Variants in PDE1C observed in about 807,000 individuals in gnomAD.
PDE1C encodes dual specificity calcium/calmodulin-dependent 3',5'-cyclic nucleotide phosphodiesterase 1C.
Under a neutral mutation model 93.1 loss-of-function variants are expected in PDE1C, and 62 were observed. That is an observed-to-expected ratio of 0.67 (90% CI 0.54 to 0.82). The LOEUF is 0.82. Ranked by LOEUF, PDE1C falls within the 40% of genes least tolerant of loss-of-function variation. PDE1C has a pLI of 0.00. For synonymous variants in PDE1C, 325 were observed against 310.1 expected (o/e 1.05, Z -0.50); for missense variants, 742 against 884.6 (o/e 0.84, Z 2.04).
the PDE1C span, among the ~76,000 whole-genome samples, chr7:31,721,356 C>T: frequency 6.6e-6 from 1 of 152,160 alleles, no homozygotes; most frequent in Non-Finnish European, 1.5e-5. Flanking sequence ...TCTGTGTTGG[C>T]CAATACGGTA....
In PDE1C at chr7:32,350,572, ATATATATATATATATAT is replaced by A. The variant is rs1783946290; in HGVS notation, c.310+77233_310+77249del. Among the ~76,000 whole-genome samples, 2 of 3,254 alleles carry A rather than the reference ATATATATATATATATAT, an allele frequency of 6.1e-4. 1 individual carries two copies. Among genetic ancestry groups the A allele is most frequent in the East Asian group, 0.083 (2 of 24 alleles). The allele number at this position is 3,254 out of a possible 152,430, so 2.1% of individuals were successfully genotyped here. ...AATATATATATATATATATATATATATATATATATATATATATATTTTTTTTTTTTTTTTTATTATAC... is the reference window on the plus strand; with the variant it reads ...AATATATATATATATATATATATATAATTTTTTTTTTTTTTTTTATTATAC... On this transcript the variant is annotated intron_variant, in intron 1 of 1. Coordinates refer to the PDE1C transcript ENST00000672256.
At chr7:31,855,097 G>A (rs545764067) in intron 7 of PDE1C, among the ~76,000 whole-genome samples, 73 of 139,286 alleles carry the variant, frequency 5.2e-4, no homozygotes, top group African/African-American at 1.7e-3. Context: ...AAAAACTTCC[G>A]TTTATTGGCA....
intron 6 of PDE1C, among the ~76,000 whole-genome samples, chr7:31,865,833 G>C (rs1406683838): frequency 2.0e-5 from 3 of 152,020 alleles, no homozygotes; most frequent in Non-Finnish European, 4.4e-5. Context: ...GTTTATATTT[G>C]TTTTGCAATA....
intron 14 of PDE1C, among the ~76,000 whole-genome samples, chr7:31,817,942 ATATAT>A (rs1465942995): frequency 2.0e-5 from 3 of 152,158 alleles, no homozygotes; most frequent in Non-Finnish European, 4.4e-5. Context: ...GTCTTCCTTA[ATATAT>A]TATGTTTTCA....
chr7:32,403,845 T>A (rs764577614), intron 1 of PDE1C, among the ~76,000 whole-genome samples: 2 of 152,192 alleles, frequency 1.3e-5, no homozygotes, highest in African/African-American at 2.4e-5. Flanking sequence ...GAGGGGTTGG[T>A]GGGGAGGAGT....
chr7:31,655,733 T>C, the PDE1C span: 3 of 985,682 alleles, frequency 3.0e-6, no homozygotes, highest in South Asian at 1.4e-4. Flanking sequence ...CATTTGTGCC[T>C]CCAAATCGTT....
At chr7:31,979,238 C>A (rs1199675967) in intron 2 of PDE1C, among the ~76,000 whole-genome samples, 1 of 152,074 alleles carries the variant, frequency 6.6e-6, no homozygotes, top group African/African-American at 2.4e-5. Flanking sequence ...AAGAGTTTCA[C>A]CCTGGAGTTA....
intron 1 of PDE1C, among the ~76,000 whole-genome samples, chr7:32,334,693 T>C (rs962104392): frequency 1.4e-5 from 1 of 73,866 alleles, no homozygotes; most frequent in South Asian, 7.2e-4. Flanking sequence ...TAGGGAAAGG[T>C]CCTTAAAATA....
At chr7:31,814,081 T>TAC (rs141676874) in intron 15 of PDE1C, among the ~76,000 whole-genome samples, 28,601 of 149,438 alleles carry the variant, frequency 0.19, 2,743 homozygotes, top group Middle Eastern at 0.33. Context: ...CATATATATG[T>TAC]ACACACACAC....
intron 1 of PDE1C, chr7:32,052,410 T>A (rs749832792): frequency 1.1e-5 from 5 of 451,900 alleles, no homozygotes; most frequent in Non-Finnish European, 2.2e-5. Context: ...ATGTATGTTG[T>A]CCCAATATCC....
chr7:32,421,530 T>C (rs1057154609), intron 1 of PDE1C, among the ~76,000 whole-genome samples: 26 of 152,142 alleles, frequency 1.7e-4, no homozygotes, highest in African/African-American at 5.8e-4. Flanking sequence ...ATTTTCCAGA[T>C]CAGAAAATGG....
rs7787668 is a variant in PDE1C at position 32,078,371 on chromosome 7, G to A, written c.308+91414C>T. ...ATCAAGAATGGCTCCCACTTCCAAC[G>A]GAGGACTGGTTCAATGGTTTGCTCA... is the stretch of plus-strand genomic sequence containing the variant. On this transcript the variant is annotated intron_variant, in intron 3 of 18. Coordinates refer to the PDE1C transcript ENST00000396193. Among the ~76,000 whole-genome samples, 14 of 152,218 alleles carry A rather than the reference G, an allele frequency of 9.2e-5. 3 individuals are homozygous for A.
At chr7:31,705,713 G>A in the PDE1C span, among the ~76,000 whole-genome samples, 66 of 152,194 alleles carry the variant, frequency 4.3e-4, no homozygotes, top group African/African-American at 1.5e-3. Context: ...CTCAAGTGTA[G>A]ATCTTTATGA....
intron 6 of PDE1C, among the ~76,000 whole-genome samples, chr7:31,869,718 C>T (rs962499987): frequency 6.6e-6 from 1 of 152,038 alleles, no homozygotes; most frequent in Non-Finnish European, 1.5e-5. Flanking sequence ...AACATCTATA[C>T]AGAAAATCAA....
chr7:32,393,412 G>T (rs904300665), intron 1 of PDE1C, among the ~76,000 whole-genome samples: 2 of 152,176 alleles, frequency 1.3e-5, no homozygotes. Context: ...CTTGTTTACA[G>T]ATTTCTTCTT....
intron 1 of PDE1C, among the ~76,000 whole-genome samples, chr7:32,316,939 C>T (rs1783186984): frequency 6.6e-6 from 1 of 152,220 alleles, no homozygotes; most frequent in South Asian, 2.1e-4. Context: ...TTGGTTTCCT[C>T]TTTCCTCATG....
At chr7:31,895,237 G>A (rs1168385405) in intron 2 of PDE1C, among the ~76,000 whole-genome samples, 4 of 152,156 alleles carry the variant, frequency 2.6e-5, no homozygotes, top group African/African-American at 4.8e-5. Context: ...GAGGGACAGA[G>A]GGTCAGGGAT....
In PDE1C at chr7:32,048,958, T is replaced by G. The variant is rs190400263; in HGVS notation, c.128+2596A>C. 1.3e-3 allele frequency among the ~76,000 whole-genome samples: 197 copies of G among 152,250 alleles called. 1 individual carries two copies. The highest frequency in any genetic ancestry group is 4.6e-3 in the African/African-American group (191 of 41,554). ...AAAAAACACACTTTCAAAACAAAAT[T>G]GACATTGTAATTTGAACCTTGACAG... is the stretch of plus-strand genomic sequence containing the variant. On this transcript the variant is annotated intron_variant, in intron 2 of 17. Coordinates refer to ENST00000396191, the MANE Select transcript of PDE1C (RefSeq NM_001191057.4).
intron 3 of PDE1C, among the ~76,000 whole-genome samples, chr7:32,080,944 C>A (rs1796631574): frequency 6.6e-6 from 1 of 152,188 alleles, no homozygotes; most frequent in Admixed American, 6.5e-5. Flanking sequence ...TATATTTCTA[C>A]TCCTGAGATA....
Sources: gnomAD v4.1 joint callset for allele counts (sites outside exome capture counted in the v4.1 genomes callset) on GRCh38, gnomAD v4.1.1 for gene constraint, MANE v1.5 for transcripts, NCBI Gene and HGNC (gene_info 2026-07-23, HGNC 2026-07-21) for gene names.